Variants in SYTL5 observed in about 807,000 individuals in gnomAD.
The protein encoded by SYTL5 is synaptotagmin like 5, also known as synaptotagmin-like protein 5.
Under a neutral mutation model 55.9 loss-of-function variants are expected in SYTL5, and 34 were observed. The observed-to-expected ratio is 0.61, with a 90% confidence interval of 0.46 to 0.81. The LOEUF is 0.81. Among genes scored for constraint, SYTL5 ranks in the 30% least tolerant of loss-of-function variants. The pLI, the probability that SYTL5 is intolerant of heterozygous loss-of-function variation, is 0.00. For missense variants in SYTL5, 637 were observed against 546.7 expected (o/e 1.17, Z -1.65); for synonymous variants, 221 against 188.7 (o/e 1.17, Z -1.40).
chrX:37,894,880 G>T, the SYTL5 span, among the ~76,000 whole-genome samples: 1 of 110,842 alleles, frequency 9.0e-6, no homozygotes, highest in Non-Finnish European at 1.9e-5. Context: ...GCTTGTGTCT[G>T]CATCACTACT....
chrX:38,096,034 A>G, intron 8 of SYTL5, 100 bp from the exon 9 acceptor site: 1 of 434,276 alleles, frequency 2.3e-6, no homozygotes, highest in Non-Finnish European at 3.9e-6. Flanking sequence ...ATCTGTGCCT[A>G]AAAAGAATTG....
Position 38,122,209 on chromosome X carries a change from T to C in SYTL5, c.1835T>C (p.Val612Ala). The C allele has an allele frequency of 8.3e-7, 1 of 1,206,524 alleles. No individual in the cohort carries two copies. Among genetic ancestry groups the C allele is most frequent in the Non-Finnish European group, 1.1e-6 (1 of 892,729 alleles). The change falls in exon 15 of 17, where the codon GTG becomes GCG. Residue 612 changes from valine (V) to alanine (A), a missense_variant. Physicochemically the swap from Val to Ala is moderately conservative, Grantham distance 64. Coordinates refer to ENST00000297875, the MANE Select transcript of SYTL5 (RefSeq NM_138780.3). ...VKSGGTSDSFVKGYLLPDDSK... is the reference protein window; with the variant it reads ...VKSGGTSDSFAKGYLLPDDSK... Reference sequence around the variant, plus strand: ...TCAGGAGGCACTTCTGATAGCTTTGTGAAGGGGTAACTTTGTTTTAGCTCT... The same window carrying C: ...TCAGGAGGCACTTCTGATAGCTTTGCGAAGGGGTAACTTTGTTTTAGCTCT...
At position 38,054,442 on chromosome X, in the gene SYTL5, A is replaced by T; in HGVS notation, c.329+20A>T. The T allele has an allele frequency of 1.7e-6, 2 of 1,187,483 alleles. No individual in the cohort carries two copies. Among genetic ancestry groups the T allele is most frequent in the Non-Finnish European group, 1.1e-6 (1 of 874,536 alleles). On this transcript the variant is annotated intron_variant, in intron 3 of 16. Transcript: ENST00000297875. Reference sequence around the variant, plus strand: ...AATCGCGTGAGTTTCTTGATTTTTCATGGAAAGTGGAGATTGATGACTGAA... The same window carrying T: ...AATCGCGTGAGTTTCTTGATTTTTCTTGGAAAGTGGAGATTGATGACTGAA...
chrX:38,067,960 T>A (rs1381870629), intron 3 of SYTL5, among the ~76,000 whole-genome samples: 1 of 111,571 alleles, frequency 9.0e-6, no homozygotes, highest in Non-Finnish European at 1.9e-5. Context: ...ATCTAAAAAA[T>A]TTTACACAGC....
the SYTL5 span, among the ~76,000 whole-genome samples, chrX:37,940,022 G>A: frequency 3.6e-5 from 4 of 110,301 alleles, no homozygotes; most frequent in Non-Finnish European, 7.6e-5. Context: ...TTTTAGTAGA[G>A]ATGAGGTTTC....
chrX:37,960,810 A>ATTTATTTTTTTATTTT, the SYTL5 span, among the ~76,000 whole-genome samples: 2 of 88,585 alleles, frequency 2.3e-5, no homozygotes, highest in African/African-American at 8.2e-5. Context: ...TTATTTATTT[A>ATTTATTTTTTTATTTT]TTTGAGATGG....
At chrX:37,937,624 A>G in the SYTL5 span, among the ~76,000 whole-genome samples, 2 of 112,339 alleles carry the variant, frequency 1.8e-5, no homozygotes. Flanking sequence ...TCCACCCAGA[A>G]TTATGGCCTA....
intron 1 of SYTL5, among the ~76,000 whole-genome samples, chrX:38,016,345 A>G (rs2147118678): frequency 9.0e-6 from 1 of 111,694 alleles, no homozygotes; most frequent in East Asian, 2.8e-4. Flanking sequence ...AGCCACCTTT[A>G]AGGAGCAGAA....
At chrX:37,962,326 T>A in the SYTL5 span, among the ~76,000 whole-genome samples, 2 of 109,401 alleles carry the variant, frequency 1.8e-5, no homozygotes, top group Non-Finnish European at 3.8e-5. Flanking sequence ...ATGCAGTGTT[T>A]GTTTTTTTTG....
chrX:37,892,548 G>A, the SYTL5 span, among the ~76,000 whole-genome samples: 2 of 95,391 alleles, frequency 2.1e-5, no homozygotes, highest in Non-Finnish European at 4.1e-5. Context: ...ATATATGTAT[G>A]TTATATATAC....
At chrX:37,960,585 AG>A in the SYTL5 span, among the ~76,000 whole-genome samples, 1 of 110,646 alleles carries the variant, frequency 9.0e-6, no homozygotes, top group East Asian at 2.8e-4. Context: ...ACCTCATTAG[AG>A]TGGCTTTTAC....
At chrX:37,919,082 C>G in the SYTL5 span, among the ~76,000 whole-genome samples, 1 of 110,591 alleles carries the variant, frequency 9.0e-6, no homozygotes, top group Non-Finnish European at 1.9e-5. Context: ...ACTCAACTTC[C>G]CGATCCCCTG....
At chrX:37,957,207 G>A in the SYTL5 span, among the ~76,000 whole-genome samples, 2 of 111,203 alleles carry the variant, frequency 1.8e-5, no homozygotes, top group South Asian at 7.6e-4. Context: ...TATATAGTTC[G>A]CAATTTTTTT....
intron 13 of SYTL5, among the ~76,000 whole-genome samples, chrX:38,116,516 T>A (rs965340006): frequency 1.8e-5 from 2 of 112,500 alleles, no homozygotes; most frequent in Non-Finnish European, 3.8e-5. Context: ...AGATTCTAAT[T>A]TGAGCTTTTC....
At chrX:37,959,476 G>T in the SYTL5 span, among the ~76,000 whole-genome samples, 1 of 111,693 alleles carries the variant, frequency 9.0e-6, no homozygotes, top group Non-Finnish European at 1.9e-5. Flanking sequence ...CTCAGGTACC[G>T]CGGTTTAAAG....
At chrX:38,110,971 C>T (rs1180265002) in intron 13 of SYTL5, among the ~76,000 whole-genome samples, 4 of 111,350 alleles carry the variant, frequency 3.6e-5, no homozygotes, top group Non-Finnish European at 1.9e-5. Flanking sequence ...GATTCATGAC[C>T]CAGGCCTTGA....
At chrX:37,963,251 C>T in the SYTL5 span, among the ~76,000 whole-genome samples, 3 of 107,928 alleles carry the variant, frequency 2.8e-5, no homozygotes, top group African/African-American at 1.0e-4. Context: ...TAATATACAA[C>T]AAATCCTTGT....
intron 6 of SYTL5, among the ~76,000 whole-genome samples, chrX:38,087,447 A>G (rs1936685492): frequency 8.9e-6 from 1 of 111,861 alleles, no homozygotes; most frequent in Non-Finnish European, 1.9e-5. Context: ...AAGTGTATCA[A>G]TTTACTTAAT....
the SYTL5 span, among the ~76,000 whole-genome samples, chrX:37,957,434 C>T: frequency 8.0e-5 from 9 of 111,888 alleles, no homozygotes; most frequent in Non-Finnish European, 1.7e-4. Flanking sequence ...AAGTCTTTAA[C>T]TCATTTTTAG....
Sources: gnomAD v4.1 joint callset for allele counts (sites outside exome capture counted in the v4.1 genomes callset) on GRCh38, gnomAD v4.1.1 for gene constraint, MANE v1.5 for transcripts, NCBI Gene and HGNC (gene_info 2026-07-23, HGNC 2026-07-21) for gene names.